The following CDH5 variants were observed in gnomAD, a reference collection of about 807,000 sequenced individuals.
CDH5 encodes the protein cadherin-5.
CDH5 carries 28 observed loss-of-function variants against 62.0 expected under a neutral mutation model. The ratio of observed to expected loss-of-function variants is 0.45; its 90% CI spans 0.33 to 0.62. The LOEUF (loss-of-function observed/expected upper bound fraction) is 0.62. Among genes scored for constraint, CDH5 ranks in the 20% least tolerant of loss-of-function variants. The probability of loss-of-function intolerance (pLI) is 0.02; values close to 1 mark genes in which losing one functional copy is unlikely to be tolerated. For missense variants in CDH5, 940 were observed against 1,065.1 expected, an observed-to-expected ratio of 0.88 and a Z score of 1.63; for synonymous variants, 464 against 445.8, an observed-to-expected ratio of 1.04 and a Z score of -0.52.
At chr16:66,375,129 T>G (rs1274751275) in intron 1 of CDH5, among the ~76,000 whole-genome samples, 1 of 152,216 alleles carries the variant, frequency 6.6e-6, no homozygotes, top group African/African-American at 2.4e-5. Context: ...CTATTGCTCT[T>G]AGGCTCCATA....
chr16:66,388,296 C>A, intron 3 of CDH5, 28 bp from the exon 4 acceptor site: 1 of 1,479,938 alleles, frequency 6.8e-7, no homozygotes, highest in South Asian at 1.1e-5. Context: ...AGTCACAAGT[C>A]AGCAACCCCA....
chr16:66,374,202 G>A (rs1314640255), intron 1 of CDH5, among the ~76,000 whole-genome samples: 1 of 152,202 alleles, frequency 6.6e-6, no homozygotes, highest in African/African-American at 2.4e-5. Flanking sequence ...GAGTGCTCAG[G>A]GATGTCAGCC....
chr16:66,400,902 G>A lies in CDH5; in HGVS notation c.1723G>A (p.Val575Met), dbSNP rs150701187. 207 of 1,614,186 alleles carry A rather than the reference G, an allele frequency of 1.3e-4. 1 individual carries two copies. The South Asian group carries it at 1.5e-3, about 12-fold the overall frequency. Residue 575 changes from valine to methionine, a missense_variant, in exon 11 of 12, where the codon GTG becomes ATG. Val to Met is a conservative substitution (Grantham distance 21). Transcript: ENST00000341529. Reference protein sequence around the residue: ...RTGTSTLTVAVCKCNEQGEFT... With the variant: ...RTGTSTLTVAMCKCNEQGEFT... ...GGGCACCAGCACGCTGACCGTGGCC[G>A]TGTGCAAGTGCAACGAGCAGGGCGA...
chr16:66,375,846 G>C (rs887516994), intron 1 of CDH5, among the ~76,000 whole-genome samples: 1 of 151,392 alleles, frequency 6.6e-6, no homozygotes, highest in Non-Finnish European at 1.5e-5. Context: ...GGTGGCTCAC[G>C]CCTGCAATCC....
At position 66,386,883 on chromosome 16, in the gene CDH5, C is replaced by T. The variant is rs373022823; in HGVS notation, c.285C>T (p.Val95=). ...KGEYVGKVFR[V]DAETGDVFAI... ...AATATGTGGGCAAGGTCTTCCGGGT[C>T]GATGCAGAGACAGGAGACGTGTTCG... is the stretch of plus-strand genomic sequence containing the variant. The change falls in exon 3 of 12, where the codon GTC becomes GTT. Residue 95 remains valine, a synonymous_variant. Transcript: ENST00000341529. 14 of 1,614,148 alleles carry T rather than the reference C, an allele frequency of 8.7e-6. No homozygotes were observed. The highest frequency in any genetic ancestry group is 3.3e-5 in the Admixed American group (2 of 60,028).
chr16:66,374,224 T>C (rs1446560864), intron 1 of CDH5, among the ~76,000 whole-genome samples: 1 of 152,070 alleles, frequency 6.6e-6, no homozygotes, highest in Non-Finnish European at 1.5e-5. Context: ...TCCTCCACCG[T>C]CCCAGGCGAG....
intron 1 of CDH5, among the ~76,000 whole-genome samples, chr16:66,369,785 G>A (rs1166180663): frequency 6.6e-6 from 1 of 152,088 alleles, no homozygotes; most frequent in African/African-American, 2.4e-5. Flanking sequence ...CCTTCATTCA[G>A]TGGGAATGAA....
In CDH5 at chr16:66,403,391, C is replaced by A; in HGVS notation, c.*222C>A. The A allele has an allele frequency of 1.7e-6, 1 of 574,338 alleles. No individual in the cohort carries two copies. The allele number at this position is 574,338 out of a possible 1,614,324, so 35.6% of individuals were successfully genotyped here. ...GACTATTCTCAAATGCTGGCAAATC[C>A]AGGCTGGTGTTCTGTCTGGGCTCAG... On this transcript the variant is annotated 3_prime_UTR_variant, in exon 12 of 12. Coordinates refer to ENST00000341529, the MANE Select transcript of CDH5 (RefSeq NM_001795.5). The surrounding 1 kb of genome is among the most constrained non-coding windows in gnomAD (Gnocchi z 4.3).
chr16:66,371,760 G>T (rs1255010164), intron 1 of CDH5, among the ~76,000 whole-genome samples: 3 of 152,162 alleles, frequency 2.0e-5, no homozygotes, highest in African/African-American at 7.2e-5. Context: ...GGGGCAGGGG[G>T]TCCTCCTGGT....
At chr16:66,371,851 T>C (rs1960698466) in intron 1 of CDH5, among the ~76,000 whole-genome samples, 2 of 151,458 alleles carry the variant, frequency 1.3e-5, no homozygotes, top group South Asian at 4.1e-4. Context: ...AGACTTCCTA[T>C]GTCTTATTTA....
chr16:66,397,598 C>T (rs1233092354), intron 8 of CDH5, among the ~76,000 whole-genome samples: 6 of 152,054 alleles, frequency 3.9e-5, no homozygotes, highest in Admixed American at 2.6e-4. Context: ...CAGTCTTTTC[C>T]GGTAGCCTAG....
At chr16:66,380,461 G>T (rs979606254) in intron 2 of CDH5, among the ~76,000 whole-genome samples, 3 of 147,486 alleles carry the variant, frequency 2.0e-5, no homozygotes, top group African/African-American at 7.6e-5. Context: ...GATGATAAAG[G>T]GATGGGTAGT....
At chr16:66,385,380 GA>G (rs1960965502) in intron 2 of CDH5, among the ~76,000 whole-genome samples, 1 of 152,134 alleles carries the variant, frequency 6.6e-6, no homozygotes, top group Non-Finnish European at 1.5e-5. Context: ...ATGTTACACA[GA>G]AAAATGGTTC....
At chr16:66,400,611 G>T (rs1038986163) in intron 10 of CDH5, among the ~76,000 whole-genome samples, 160 bp from the exon 11 acceptor site, 1 of 152,228 alleles carries the variant, frequency 6.6e-6, no homozygotes, top group Non-Finnish European at 1.5e-5. Flanking sequence ...GAACAGACCT[G>T]CACTCAGATG....
At chr16:66,400,251 T>C (rs750551802) in intron 10 of CDH5, among the ~76,000 whole-genome samples, 7 of 152,254 alleles carry the variant, frequency 4.6e-5, no homozygotes, top group East Asian at 3.8e-4. Flanking sequence ...CAATTCTATA[T>C]GTAATCATTT....
intron 3 of CDH5, 69 bp downstream of exon 3, chr16:66,387,166 C>G: frequency 6.9e-7 from 1 of 1,440,098 alleles, no homozygotes; most frequent in South Asian, 1.3e-5. Context: ...CTCACATCAG[C>G]CACTTCACTG....
At chr16:66,378,011 T>G (rs2344562) in intron 1 of CDH5, among the ~76,000 whole-genome samples, 35,116 of 152,060 alleles carry the variant, frequency 0.23, 5,183 homozygotes, top group African/African-American at 0.41. Flanking sequence ...TCTTTTGCAC[T>G]GGGCCACACA....
intron 2 of CDH5, among the ~76,000 whole-genome samples, chr16:66,384,880 C>T (rs936234650): frequency 2.0e-5 from 3 of 152,206 alleles, no homozygotes; most frequent in Middle Eastern, 3.4e-3. Flanking sequence ...GCAGAATAAT[C>T]GCTTGAACCC....
chr16:66,398,275 G>A (rs962048057), intron 9 of CDH5, among the ~76,000 whole-genome samples, 169 bp downstream of exon 9: 1 of 152,142 alleles, frequency 6.6e-6, no homozygotes, highest in African/African-American at 2.4e-5. Context: ...GAATATATGG[G>A]GAGTAGATTG....
Sources: allele counts gnomAD v4.1 joint callset (sites outside exome capture counted in the v4.1 genomes callset), GRCh38; gene constraint gnomAD v4.1.1; non-coding constraint Gnocchi (gnomAD v3.1); transcripts MANE v1.5; gene names NCBI Gene and HGNC (gene_info 2026-07-23, HGNC 2026-07-21).